DAGLA: variants seen among roughly 807,000 people sequenced by gnomAD.
DAGLA encodes the protein diacylglycerol lipase-alpha.
A neutral mutation model predicts 102.6 loss-of-function variants in DAGLA; 22 were observed. The ratio of observed to expected loss-of-function variants is 0.21; its 90% CI spans 0.15 to 0.31. DAGLA has a LOEUF of 0.31. Ranked by LOEUF, DAGLA falls within the 10% of genes least tolerant of loss-of-function variation. DAGLA has a pLI of 1.00. For missense variants in DAGLA, 927 were observed against 1,446.6 expected (o/e 0.64, Z 5.83); for synonymous variants, 578 against 628.9 (o/e 0.92, Z 1.21).
chr11:61,737,158 T>C, intron 13 of DAGLA, 24 bp from the exon 14 acceptor site: 11 of 1,613,022 alleles, frequency 6.8e-6, no homozygotes, highest in Non-Finnish European at 8.5e-6. Context: ...GGGGCAGGGC[T>C]CTCAGGCTTC....
intron 6 of DAGLA, 45 bp from the exon 7 acceptor site, chr11:61,728,108 C>T (rs2065345039): frequency 6.2e-7 from 1 of 1,611,098 alleles, no homozygotes; most frequent in African/African-American, 1.3e-5. Flanking sequence ...CTCGTCCTCT[C>T]TCCTGCTCCC....
intron 1 of DAGLA, among the ~76,000 whole-genome samples, chr11:61,694,862 G>A (rs2065051644): frequency 6.6e-6 from 1 of 152,208 alleles, no homozygotes; most frequent in Non-Finnish European, 1.5e-5. Flanking sequence ...TGCCTGGGAA[G>A]AGCGAGAGGC....
chr11:61,716,427 G>A (rs1440847012), intron 1 of DAGLA, among the ~76,000 whole-genome samples: 1 of 152,178 alleles, frequency 6.6e-6, no homozygotes, highest in Non-Finnish European at 1.5e-5. Context: ...CATCAGAACT[G>A]GAGTAAGCAA....
At chr11:61,702,038 G>A (rs951759726) in intron 1 of DAGLA, among the ~76,000 whole-genome samples, 5 of 152,016 alleles carry the variant, frequency 3.3e-5, no homozygotes, top group African/African-American at 7.3e-5. Context: ...AGCTGCCTGA[G>A]TAGCTGGGAC....
intron 7 of DAGLA, 24 bp from the exon 8 acceptor site, chr11:61,728,907 C>T: frequency 6.2e-7 from 1 of 1,610,946 alleles, no homozygotes; most frequent in South Asian, 1.1e-5. Flanking sequence ...AGTGATTGTC[C>T]TTCTTCACCT....
chr11:61,737,580 A>T (rs1009497527), intron 14 of DAGLA, 107 bp from the exon 15 acceptor site: 1 of 1,175,716 alleles, frequency 8.5e-7, no homozygotes, highest in Non-Finnish European at 1.3e-6. Context: ...CCCGGGAGCC[A>T]TCCCAGGAGT....
intron 1 of DAGLA, among the ~76,000 whole-genome samples, chr11:61,680,903 G>A (rs1372889193): frequency 1.3e-5 from 2 of 152,152 alleles, no homozygotes; most frequent in African/African-American, 4.8e-5. Flanking sequence ...TGGTGGTGCC[G>A]CTAGCATGGG....
At chr11:61,740,825 G>A (rs1011624149) in intron 18 of DAGLA, among the ~76,000 whole-genome samples, 1 of 152,198 alleles carries the variant, frequency 6.6e-6, no homozygotes, top group African/African-American at 2.4e-5. Flanking sequence ...ACTCCCAGGG[G>A]CCTGTCCCTG....
chr11:61,708,886 C>T (rs2065171838), intron 1 of DAGLA, among the ~76,000 whole-genome samples: 1 of 152,200 alleles, frequency 6.6e-6, no homozygotes, highest in Non-Finnish European at 1.5e-5. Flanking sequence ...CAGGGGCCTT[C>T]TGAGCCCCTG....
chr11:61,740,609 CAG>C lies in DAGLA; in HGVS notation c.1983+18_1983+19del. ...CTCAACAAGGTGAGGCAGCTCCCGGCAGGGTACCACCAGGGAATAAGGCACTG... is the reference window on the plus strand; with the variant it reads ...CTCAACAAGGTGAGGCAGCTCCCGGCGGTACCACCAGGGAATAAGGCACTG... On this transcript the variant is annotated intron_variant, in intron 18 of 19. Transcript: ENST00000257215. 1.9e-6 allele frequency: 3 copies of C among 1,611,622 alleles called. No homozygotes were observed. The South Asian group carries it at 3.3e-5, about 18-fold the overall frequency.
Position 61,741,264 on chromosome 11 carries a change from C to G in DAGLA, c.2086C>G (p.Gln696Glu). 1 of 1,613,208 alleles carries G rather than the reference C, an allele frequency of 6.2e-7. No individual in the cohort carries two copies. The change falls in exon 19 of 20, where the codon CAG becomes GAG. Residue 696 changes from glutamine (Q) to glutamate (E), a missense_variant. Around this residue, in one of 4 missense-constraint regions of DAGLA, gnomAD observed 434 missense variants for 503.3 expected, o/e 0.86. Coordinates refer to ENST00000257215, the MANE Select transcript of DAGLA (RefSeq NM_006133.3). ...CCTGACTCCTGAGCTCATCTTCCAG[C>G]AGCAGCCACTCCCCACGGGGCCGCC... ...VDLTPELIFQ[Q>E]QPLPTGPPMP...
At chr11:61,738,111 G>T in intron 15 of DAGLA, 24 bp from the exon 16 acceptor site, 1 of 1,604,344 alleles carries the variant, frequency 6.2e-7, no homozygotes, top group Non-Finnish European at 8.5e-7. Flanking sequence ...CCTGGCTGAC[G>T]GCCCTGTCTC....
chr11:61,699,733 C>T (rs1294519479), intron 1 of DAGLA, among the ~76,000 whole-genome samples: 1 of 152,242 alleles, frequency 6.6e-6, no homozygotes, highest in Non-Finnish European at 1.5e-5. Context: ...CTGGAAGACC[C>T]TCCAAATACT....
chr11:61,687,443 T>C (rs1290567275), intron 1 of DAGLA, among the ~76,000 whole-genome samples: 2 of 152,176 alleles, frequency 1.3e-5, no homozygotes, highest in African/African-American at 4.8e-5. Flanking sequence ...GTGATTCTCA[T>C]GCCTCAGCCT....
At chr11:61,689,233 C>T (rs2065006966) in intron 1 of DAGLA, among the ~76,000 whole-genome samples, 2 of 152,238 alleles carry the variant, frequency 1.3e-5, no homozygotes, top group African/African-American at 4.8e-5. Flanking sequence ...AGCCCTAGGC[C>T]CAGTGGCTAA....
At chr11:61,720,997 C>A in intron 3 of DAGLA, 107 bp downstream of exon 3, 1 of 1,087,578 alleles carries the variant, frequency 9.2e-7, no homozygotes, top group Non-Finnish European at 1.3e-6. Flanking sequence ...TGTTTTAGCA[C>A]TGGGGTACAG....
At chr11:61,742,828 C>T (rs908721043) in intron 19 of DAGLA, among the ~76,000 whole-genome samples, 5 of 140,508 alleles carry the variant, frequency 3.6e-5, no homozygotes, top group Admixed American at 7.2e-5. Flanking sequence ...CTGTCTCTCT[C>T]ATTCCACTGT....
chr11:61,681,523 C>T (rs536370267), intron 1 of DAGLA, among the ~76,000 whole-genome samples: 4 of 152,138 alleles, frequency 2.6e-5, no homozygotes, highest in Admixed American at 6.5e-5. Context: ...AGTGGTATGG[C>T]GCACCATCTA....
chr11:61,690,957 G>A (rs573235496), intron 1 of DAGLA, among the ~76,000 whole-genome samples: 7 of 152,290 alleles, frequency 4.6e-5, no homozygotes, highest in East Asian at 3.9e-4. Flanking sequence ...CTCGCCGGCC[G>A]TGGCAGGCGG....
Sources: gnomAD v4.1 joint callset for allele counts (sites outside exome capture counted in the v4.1 genomes callset) on GRCh38, gnomAD v4.1.1 for gene constraint, gnomAD v4.1.1 regional missense constraint, MANE v1.5 for transcripts, NCBI Gene and HGNC (gene_info 2026-07-23, HGNC 2026-07-21) for gene names.